SCML4: variants seen among roughly 807,000 people sequenced by gnomAD.
SCML4 encodes the protein sex comb on midleg-like protein 4.
In SCML4, 34 loss-of-function variants were observed where a neutral mutation model predicts 41.1. That is an observed-to-expected ratio of 0.83 (90% CI 0.63 to 1.10). SCML4 has a LOEUF of 1.10. Among genes scored for constraint, SCML4 ranks in the 50% least tolerant of loss-of-function variants. The probability of loss-of-function intolerance (pLI) is 0.00; values close to 1 mark genes in which losing one functional copy is unlikely to be tolerated. For missense variants in SCML4, 522 were observed against 534.1 expected (o/e 0.98, Z 0.22); for synonymous variants, 214 against 220.9 (o/e 0.97, Z 0.28).
intron 5 of SCML4, among the ~76,000 whole-genome samples, chr6:107,722,051 G>A (rs1185791222): frequency 6.6e-6 from 1 of 150,510 alleles, no homozygotes; most frequent in African/African-American, 2.5e-5. Context: ...GTGCAGTGGT[G>A]CGATCTCGGC....
rs1262651729 is a variant in SCML4, at chr6:107,704,017, C to G, written c.*1183G>C. On this transcript the variant is annotated 3_prime_UTR_variant, in exon 8 of 8. Coordinates refer to ENST00000369020, the MANE Select transcript of SCML4 (RefSeq NM_198081.5). ...TGTGGATTCATTGTCCGTCTCTGGA[C>G]ACAGCTGCAAAGGAGCAGAAAATCA... is the stretch of plus-strand genomic sequence containing the variant. The G allele has an allele frequency of 1.3e-5, 2 of 152,162 alleles. No individual in the cohort carries two copies. The highest frequency in any genetic ancestry group is 4.8e-5 in the African/African-American group (2 of 41,438). The allele number at this position is 152,162 out of a possible 1,614,324, so 9.4% of individuals were successfully genotyped here. A position where few individuals can be genotyped will look rare whatever the true frequency, so the allele number is the denominator to read the frequency against.
chr6:107,839,341 A>AAGAAAGAAAG, the SCML4 span, among the ~76,000 whole-genome samples: 72 of 12,928 alleles, frequency 5.6e-3, 5 homozygotes, highest in Non-Finnish European at 1.0e-2. Flanking sequence ...GAGAGAGAGA[A>AAGAAAGAAAG]AAAGAAAGAA....
intron 3 of SCML4, among the ~76,000 whole-genome samples, chr6:107,747,463 C>A (rs376899520): frequency 6.6e-5 from 10 of 152,144 alleles, no homozygotes; most frequent in East Asian, 5.8e-4. Flanking sequence ...AGGTAACAGA[C>A]CCCATTGATA....
At chr6:107,787,617 T>G (rs900506524) in intron 1 of SCML4, among the ~76,000 whole-genome samples, 1 of 152,248 alleles carries the variant, frequency 6.6e-6, no homozygotes, top group African/African-American at 2.4e-5. Flanking sequence ...AGATGATTTT[T>G]TGTAATATAA....
chr6:107,755,484 G>C, intron 2 of SCML4: 1 of 435,240 alleles, frequency 2.3e-6, no homozygotes, highest in African/African-American at 2.1e-5. Context: ...TTTTGGAAAA[G>C]TCCTAAAAAA....
At chr6:107,805,558 T>C (rs1783659199) in intron 1 of SCML4, among the ~76,000 whole-genome samples, 1 of 152,188 alleles carries the variant, frequency 6.6e-6, no homozygotes, top group African/African-American at 2.4e-5. Flanking sequence ...ATCCTGACAC[T>C]GGCCTGATTT....
At chr6:107,822,609 C>T (rs1408131477) in intron 1 of SCML4, among the ~76,000 whole-genome samples, 1 of 150,032 alleles carries the variant, frequency 6.7e-6, no homozygotes, top group East Asian at 1.9e-4. Context: ...GGGCTTTGCA[C>T]TTTTGTTATA....
Position 107,749,719 on chromosome 6 carries a change from G to A in SCML4, c.251C>T (p.Thr84Met), listed in dbSNP as rs1314587751. Residue 84 changes from threonine (T) to methionine (M), a missense_variant, in exon 3 of 8, where the codon ACG (threonine) becomes ATG (methionine). Physicochemically the swap from Thr to Met is moderately conservative, Grantham distance 81. Transcript: ENST00000369020. ...CTGTGGGGCCGCCAAGCTGGGGACC[G>A]TGGCTGCGTCCTGAGGGATGGAGCT... ...DLSSIPQDAA[T>M]VPSLAAPQAL... is the part of the protein sequence containing the mutation. The A allele has an allele frequency of 1.2e-5, 20 of 1,613,898 alleles. No individual in the cohort carries two copies. The highest frequency in any genetic ancestry group is 5.5e-5 in the South Asian group (5 of 91,066).
At chr6:107,750,166 G>C (rs1778494757) in intron 2 of SCML4, among the ~76,000 whole-genome samples, 1 of 152,178 alleles carries the variant, frequency 6.6e-6, no homozygotes, top group Admixed American at 6.5e-5. Context: ...GTGTTCCCTA[G>C]AATCCTGTGG....
chr6:107,827,486 C>T (rs1001964596), upstream of SCML4, among the ~76,000 whole-genome samples: 1 of 151,586 alleles, frequency 6.6e-6, no homozygotes, highest in East Asian at 1.9e-4. Flanking sequence ...TTAAAAAATC[C>T]TAAATGTTTT....
At chr6:107,725,522 T>C (rs1452649227) in intron 5 of SCML4, among the ~76,000 whole-genome samples, 1 of 152,192 alleles carries the variant, frequency 6.6e-6, no homozygotes, top group Non-Finnish European at 1.5e-5. Context: ...GAAGAAAGGA[T>C]AGTCTTTTCA....
chr6:107,746,640 T>C, intron 4 of SCML4, 49 bp downstream of exon 4: 3 of 1,539,172 alleles, frequency 1.9e-6, no homozygotes, highest in Non-Finnish European at 1.8e-6. Context: ...CTGCTTCCTC[T>C]GCAGAGAGAC....
chr6:107,704,943 C>T lies in SCML4; in HGVS notation c.*257G>A. On this transcript the variant is annotated 3_prime_UTR_variant, in exon 8 of 8. Transcript: ENST00000369020. Reference sequence around the variant, plus strand: ...AAATAGGACCCACTTTAAGAGAAACCAGCATAACAGGGATGTTAAAAATCA... The same window carrying T: ...AAATAGGACCCACTTTAAGAGAAACTAGCATAACAGGGATGTTAAAAATCA... 5.6e-6 allele frequency: 3 copies of T among 534,586 alleles called. No individual in the cohort carries two copies. The highest frequency in any genetic ancestry group is 1.9e-5 in the African/African-American group (1 of 52,562). The allele number at this position is 534,586 out of a possible 1,614,324, so 33.1% of individuals were successfully genotyped here.
intron 1 of SCML4, among the ~76,000 whole-genome samples, chr6:107,801,962 A>G (rs988738645): frequency 1.3e-4 from 19 of 151,534 alleles, no homozygotes; most frequent in African/African-American, 4.6e-4. Flanking sequence ...TAGTAGAGAC[A>G]GGGTTTCACC....
intron 1 of SCML4, among the ~76,000 whole-genome samples, chr6:107,790,151 G>A (rs564056822): frequency 3.9e-5 from 6 of 152,294 alleles, no homozygotes; most frequent in Admixed American, 3.3e-4. Context: ...CTAGCTGGAG[G>A]TGGGTGGGAG....
intron 1 of SCML4, among the ~76,000 whole-genome samples, chr6:107,778,264 T>TATATATATA (rs1436310950): frequency 8.1e-6 from 1 of 123,602 alleles, no homozygotes; most frequent in African/African-American, 3.4e-5. Flanking sequence ...TATATATATA[T>TATATATATA]AACTTGAGAA....
At chr6:107,768,542 G>A (rs1198168175) in intron 2 of SCML4, among the ~76,000 whole-genome samples, 2 of 152,124 alleles carry the variant, frequency 1.3e-5, no homozygotes, top group East Asian at 3.8e-4. Flanking sequence ...AAGCATAATT[G>A]CTATTCTGAA....
upstream of SCML4, among the ~76,000 whole-genome samples, chr6:107,824,935 C>T (rs141786795): frequency 5.9e-5 from 9 of 152,236 alleles, no homozygotes; most frequent in East Asian, 9.7e-4. Flanking sequence ...ATTAAATCAG[C>T]GGCTGCCCAC....
intron 1 of SCML4, among the ~76,000 whole-genome samples, chr6:107,773,231 T>C (rs1780654143): frequency 6.6e-6 from 1 of 152,170 alleles, no homozygotes; most frequent in African/African-American, 2.4e-5. Context: ...GTTCAGCATG[T>C]ACAATCCTTT....
Sources: gnomAD v4.1 joint callset for allele counts (sites outside exome capture counted in the v4.1 genomes callset) on GRCh38, gnomAD v4.1.1 for gene constraint, MANE v1.5 for transcripts, NCBI Gene and HGNC (gene_info 2026-07-23, HGNC 2026-07-21) for gene names.